The following ANKS1A variants were observed in gnomAD, a reference collection of about 807,000 sequenced individuals.
ANKS1A encodes ankyrin repeat and sterile alpha motif domain containing 1A, also known as ankyrin repeat and SAM domain-containing protein 1A.
A neutral mutation model predicts 120.3 loss-of-function variants in ANKS1A; 55 were observed. The ratio of observed to expected loss-of-function variants is 0.46; its 90% CI spans 0.37 to 0.57. ANKS1A has a LOEUF of 0.57. Among genes scored for constraint, ANKS1A ranks in the 20% least tolerant of loss-of-function variants. The probability of loss-of-function intolerance (pLI) is 0.00; values close to 1 mark genes in which losing one functional copy is unlikely to be tolerated. For missense variants in ANKS1A, 1,123 were observed against 1,480.3 expected (o/e 0.76, Z 3.96); for synonymous variants, 590 against 604.7 (o/e 0.98, Z 0.36).
chr6:35,068,101 C>T (rs1776872508), intron 13 of ANKS1A, among the ~76,000 whole-genome samples: 1 of 152,106 alleles, frequency 6.6e-6, no homozygotes, highest in African/African-American at 2.4e-5. Context: ...ACCATGTTGG[C>T]CAGGCTGGTC....
intron 10 of ANKS1A, among the ~76,000 whole-genome samples, chr6:35,004,053 T>A (rs1773302641): frequency 6.6e-6 from 1 of 152,326 alleles, no homozygotes; most frequent in African/African-American, 2.4e-5. Flanking sequence ...ATTGTAAAAC[T>A]TCCCGGTCTG....
chr6:34,941,695 T>A (rs1769546144), intron 1 of ANKS1A, among the ~76,000 whole-genome samples: 1 of 152,266 alleles, frequency 6.6e-6, no homozygotes. Flanking sequence ...TTGGATTCTC[T>A]GATGCTCAAC....
At position 34,990,233 on chromosome 6, in the gene ANKS1A, A is replaced by T. The variant is rs142486153; in HGVS notation, c.1302+917A>T. Among the ~76,000 whole-genome samples, 166 of 152,332 alleles carry T rather than the reference A, an allele frequency of 1.1e-3. 1 individual carries two copies. Among genetic ancestry groups the T allele is most frequent in the Admixed American group, 2.2e-3 (33 of 15,308 alleles). ...TGGCTTTAGTTTAACAAAATGTATA[A>T]ATACAAGGAAGCCCTTTTAAAAACG... On this transcript the variant is annotated intron_variant, in intron 9 of 23. Transcript: ENST00000360359.
chr6:34,891,013 G>T (rs1036213169), intron 1 of ANKS1A, among the ~76,000 whole-genome samples: 6 of 152,214 alleles, frequency 3.9e-5, no homozygotes, highest in African/African-American at 1.4e-4. Flanking sequence ...TCAGTTGCAG[G>T]ACAATAAATT....
At chr6:34,926,359 G>A (rs1439755247) in intron 1 of ANKS1A, among the ~76,000 whole-genome samples, 1 of 152,168 alleles carries the variant, frequency 6.6e-6, no homozygotes, top group African/African-American at 2.4e-5. Flanking sequence ...AGGGCCACCT[G>A]AGGCTTCCCT....
At chr6:34,904,239 G>C (rs902585910) in intron 1 of ANKS1A, among the ~76,000 whole-genome samples, 4 of 152,084 alleles carry the variant, frequency 2.6e-5, no homozygotes, top group African/African-American at 9.7e-5. Context: ...TATGTAAATA[G>C]TTATTAAAAC....
In ANKS1A at chr6:35,044,140, A is replaced by G. The variant is rs995193144; in HGVS notation, c.2011-9959A>G. Among the ~76,000 whole-genome samples the G allele has an allele frequency of 6.6e-6, 1 of 152,214 alleles. No homozygotes were observed. Among genetic ancestry groups the G allele is most frequent in the Admixed American group, 6.5e-5 (1 of 15,278 alleles). ...CCCCAGCTGACTCTTGGTAAGGGTA[A>G]CACTGAGTGTGTGGAAGCAGAAGAC... is the stretch of plus-strand genomic sequence containing the variant. On this transcript the variant is annotated intron_variant, in intron 11 of 23. Transcript: ENST00000360359. This position sits in a 1 kb window ranked among gnomAD's most constrained non-coding sequence, Gnocchi z 4.4.
chr6:35,003,568 T>G (rs1425816132), intron 10 of ANKS1A, among the ~76,000 whole-genome samples: 2 of 152,148 alleles, frequency 1.3e-5, no homozygotes, highest in Admixed American at 1.3e-4. Context: ...AGAAATTGGT[T>G]CCCAGCACTA....
At chr6:35,029,219 T>G (rs1327880726) in intron 11 of ANKS1A, among the ~76,000 whole-genome samples, 1 of 152,150 alleles carries the variant, frequency 6.6e-6, no homozygotes, top group Non-Finnish European at 1.5e-5. Flanking sequence ...CTCTTTGTAT[T>G]TGAGAAAAAT....
intron 1 of ANKS1A, among the ~76,000 whole-genome samples, chr6:34,964,279 T>A (rs1194080431): frequency 6.6e-6 from 1 of 152,192 alleles, no homozygotes; most frequent in Non-Finnish European, 1.5e-5. Flanking sequence ...ATATTATTAT[T>A]ATAAAAGCAC....
chr6:35,045,188 G>C (rs1354861581), intron 11 of ANKS1A, among the ~76,000 whole-genome samples: 1 of 152,230 alleles, frequency 6.6e-6, no homozygotes, highest in East Asian at 1.9e-4. Flanking sequence ...GCAATGCACA[G>C]CTTGCTCAGA....
chr6:35,089,094 G>T lies in ANKS1A; in HGVS notation c.*485G>T, dbSNP rs142969560. On this transcript the variant is annotated 3_prime_UTR_variant, in exon 24 of 24. Coordinates refer to ENST00000360359, the MANE Select transcript of ANKS1A (RefSeq NM_015245.3). ...AGAAGGCGGTGGCCTGTGGGTGAGG[G>T]GAACGGAGCAGGCTCAGGCAGAATT... is the stretch of plus-strand genomic sequence containing the variant. The T allele has an allele frequency of 1.0e-3, 1,095 of 1,046,902 alleles. 6 individuals are homozygous for T. The African/African-American group carries it at 0.017, about 17-fold the overall frequency. 64.9% of individuals were successfully genotyped at this position (1,046,902 alleles called of 1,614,324 possible). A position where few individuals can be genotyped will look rare whatever the true frequency, so the allele number is the denominator to read the frequency against.
chr6:35,005,614 T>C (rs1773406258), intron 10 of ANKS1A, among the ~76,000 whole-genome samples: 1 of 152,230 alleles, frequency 6.6e-6, no homozygotes, highest in Non-Finnish European at 1.5e-5. Flanking sequence ...TTATGTGTGC[T>C]ACACCTTAGT....
rs550992530 is a variant in ANKS1A at position 35,075,616 on chromosome 6, G to T, written c.2185-2942G>T. Among the ~76,000 whole-genome samples, 55 of 152,080 alleles carry T rather than the reference G, an allele frequency of 3.6e-4. 1 individual carries two copies. Among genetic ancestry groups the T allele is most frequent in the South Asian group, 1.0e-3 (5 of 4,818 alleles). ...TATTTAGTAGAGACGGGGTTTCACC[G>T]TGTTGGTCAGGCTGGTCTCGAACTC... On this transcript the variant is annotated intron_variant, in intron 13 of 23. Transcript: ENST00000360359.
rs1581770335 is a variant in ANKS1A at position 35,088,716 on chromosome 6, A to C, written c.*107A>C. On this transcript the variant is annotated 3_prime_UTR_variant, in exon 24 of 24. Transcript: ENST00000360359. ...CTGCAGCTCTGAAGACCCAGGCCTC[A>C]CCTCCGCCTGCAGGACCTCCTCTTG... The C allele has an allele frequency of 6.2e-7, 1 of 1,608,716 alleles. No homozygotes were observed.
chr6:34,954,731 G>A (rs1426914214), intron 1 of ANKS1A, among the ~76,000 whole-genome samples: 5 of 152,170 alleles, frequency 3.3e-5, no homozygotes, highest in Admixed American at 6.5e-5. Flanking sequence ...CACCTGTCAC[G>A]TAGCGTCAGC....
At chr6:34,991,587 C>T (rs1004402672) in intron 9 of ANKS1A, among the ~76,000 whole-genome samples, 55 of 140,450 alleles carry the variant, frequency 3.9e-4, no homozygotes, top group East Asian at 9.4e-4. Flanking sequence ...CACATATACA[C>T]ATATATATAT....
intron 11 of ANKS1A, among the ~76,000 whole-genome samples, chr6:35,030,317 T>C (rs1425557527): frequency 6.6e-6 from 1 of 152,218 alleles, no homozygotes; most frequent in Non-Finnish European, 1.5e-5. Flanking sequence ...ATGTGTTTCC[T>C]TTTTTACCGT....
At chr6:34,894,513 G>C (rs1001344359) in intron 1 of ANKS1A, among the ~76,000 whole-genome samples, 3 of 152,018 alleles carry the variant, frequency 2.0e-5, no homozygotes, top group Non-Finnish European at 4.4e-5. Flanking sequence ...TTAGCCAGGC[G>C]TGATGGTGTG....
Sources: allele counts gnomAD v4.1 joint callset (sites outside exome capture counted in the v4.1 genomes callset), GRCh38; gene constraint gnomAD v4.1.1; non-coding constraint Gnocchi (gnomAD v3.1); transcripts MANE v1.5; gene names NCBI Gene and HGNC (gene_info 2026-07-23, HGNC 2026-07-21).